Variants in UBR3 observed in about 807,000 individuals in gnomAD.
UBR3 encodes the protein E3 ubiquitin-protein ligase UBR3.
UBR3 carries 85 observed loss-of-function variants against 243.2 expected under a neutral mutation model. The observed-to-expected ratio is 0.35, with a 90% CI of 0.29 to 0.42. The LOEUF is 0.42. Ranked by LOEUF, UBR3 falls within the 10% of genes least tolerant of loss-of-function variation. UBR3 has a pLI of 1.00. For missense variants in UBR3, 1,686 were observed against 2,300.8 expected (o/e 0.73, Z 5.47); for synonymous variants, 748 against 799.8 (o/e 0.94, Z 1.09).
At chr2:170,003,854 A>T (rs2089807327) in intron 27 of UBR3, among the ~76,000 whole-genome samples, 1 of 152,098 alleles carries the variant, frequency 6.6e-6, no homozygotes, top group Non-Finnish European at 1.5e-5. Flanking sequence ...GTTAGCCAGG[A>T]TGGTCTCGAT....
chr2:169,863,338 T>A (rs1326912328), intron 1 of UBR3, among the ~76,000 whole-genome samples: 3 of 152,254 alleles, frequency 2.0e-5, no homozygotes, highest in Non-Finnish European at 4.4e-5. Context: ...TTGAGTTGCA[T>A]ACTTAACCTT....
chr2:170,081,863 A>G lies in UBR3; in HGVS notation c.*20A>G, dbSNP rs773798522. 4 of 1,454,910 alleles carry G rather than the reference A, an allele frequency of 2.7e-6. No homozygotes were observed. The highest frequency in any genetic ancestry group is 2.9e-5 in the African/African-American group (2 of 69,564). The allele number at this position is 1,454,910 out of a possible 1,614,324, so 90.1% of individuals were successfully genotyped here. ...CTGTGACTCTCCACCTCAGCATTGC[A>G]TCGTATCATCATTTTCGCTACGAAT... On this transcript the variant is annotated 3_prime_UTR_variant, in exon 39 of 39. Transcript: ENST00000272793.
At chr2:170,077,567 A>C (rs2091836709) in intron 36 of UBR3, 1 of 607,818 alleles carries the variant, frequency 1.6e-6, no homozygotes, top group Non-Finnish European at 2.9e-6. Flanking sequence ...ATCCTCCTCT[A>C]TGCCTGCGTC....
intron 31 of UBR3, among the ~76,000 whole-genome samples, chr2:170,033,597 AT>A (rs2090743472): frequency 7.8e-5 from 5 of 63,704 alleles, no homozygotes; most frequent in Non-Finnish European, 1.4e-4. Flanking sequence ...CCCCCCCCCA[AT>A]ATTTGCTCTC....
rs71006062 is a variant in UBR3, at chr2:170,001,912, C to CAAAAAAAAAAAAAAAAAAAAA, written c.4029+508_4029+528dup. On this transcript the variant is annotated intron_variant, in intron 27 of 38. Transcript: ENST00000272793. ...TGGGCAACAGAGAGAGACTCCATCTCAAAAAAAAAAAAAAAAAAAAAAAAA... is the reference window on the plus strand; with the variant it reads ...TGGGCAACAGAGAGAGACTCCATCTCAAAAAAAAAAAAAAAAAAAAAAAAAAAAAAAAAAAAAAAAAAAAAA... Among the ~76,000 whole-genome samples, 76 of 67,488 alleles carry CAAAAAAAAAAAAAAAAAAAAA rather than the reference C, an allele frequency of 1.1e-3. 1 individual carries two copies. Among genetic ancestry groups the CAAAAAAAAAAAAAAAAAAAAA allele is most frequent in the Non-Finnish European group, 1.5e-3 (58 of 39,894 alleles). The allele number at this position is 67,488 out of a possible 152,430, so 44.3% of individuals were successfully genotyped here. A position where few individuals can be genotyped will look rare whatever the true frequency, so the allele number is the denominator to read the frequency against.
chr2:170,029,978 T>C (rs1017242261), intron 31 of UBR3, among the ~76,000 whole-genome samples: 26 of 152,118 alleles, frequency 1.7e-4, no homozygotes, highest in Non-Finnish European at 3.4e-4. Flanking sequence ...GGATGAATAC[T>C]TGATACTTTT....
Position 169,891,277 on chromosome 2 carries a change from A to T in UBR3, c.1105+46A>T, listed in dbSNP as rs768795069. 2.0e-5 allele frequency: 29 copies of T among 1,429,110 alleles called. No individual in the cohort carries two copies. The South Asian group carries it at 3.1e-4, about 15-fold the overall frequency. The allele number at this position is 1,429,110 out of a possible 1,614,324, so 88.5% of individuals were successfully genotyped here. A position where few individuals can be genotyped will look rare whatever the true frequency, so the allele number is the denominator to read the frequency against. ...TTTTTTCCTTGAATAAAATGCTTCT[A>T]AAAAATGCCTAATCACTAAAAATAC... On this transcript the variant is annotated intron_variant, in intron 6 of 38. Coordinates refer to ENST00000272793, the MANE Select transcript of UBR3 (RefSeq NM_172070.4).
intron 29 of UBR3, 41 bp from the exon 30 acceptor site, chr2:170,015,240 A>G: frequency 6.7e-7 from 1 of 1,491,232 alleles, no homozygotes; most frequent in Non-Finnish European, 9.3e-7. Flanking sequence ...TTAATAAAGA[A>G]TCTTCAGTTT....
chr2:169,885,207 GAT>G (rs1308781622), intron 5 of UBR3, among the ~76,000 whole-genome samples: 3 of 152,140 alleles, frequency 2.0e-5, no homozygotes, highest in South Asian at 2.1e-4. Context: ...TGTAATTTAA[GAT>G]ATCATAAAGG....
intron 35 of UBR3, among the ~76,000 whole-genome samples, chr2:170,069,823 C>T (rs143209115): frequency 1.3e-5 from 2 of 151,910 alleles, no homozygotes; most frequent in South Asian, 4.2e-4. Context: ...TTGTTCCCCC[C>T]CCAGATACTA....
rs1280042767 is a variant in UBR3 at position 170,083,300 on chromosome 2, A to C, written c.*1457A>C. The C allele has an allele frequency of 6.6e-6, 1 of 152,606 alleles. No individual in the cohort carries two copies. Among genetic ancestry groups the C allele is most frequent in the Admixed American group, 6.5e-5 (1 of 15,278 alleles). 9.5% of individuals were successfully genotyped at this position (152,606 alleles called of 1,614,324 possible). Reference sequence around the variant, plus strand: ...TGGAAAGCAGAGCAGTACATATTCAAATGTATTCAGAAAGTCAAAAGATTA... The same window carrying C: ...TGGAAAGCAGAGCAGTACATATTCACATGTATTCAGAAAGTCAAAAGATTA... On this transcript the variant is annotated 3_prime_UTR_variant, in exon 39 of 39. Coordinates refer to ENST00000272793, the MANE Select transcript of UBR3 (RefSeq NM_172070.4).
At chr2:169,951,509 A>G (rs892305913) in intron 23 of UBR3, among the ~76,000 whole-genome samples, 2 of 152,164 alleles carry the variant, frequency 1.3e-5, no homozygotes, top group African/African-American at 4.8e-5. Context: ...ATAGTTTGTT[A>G]GTAGTGTTAA....
At chr2:169,836,959 G>T (rs1306305017) in intron 1 of UBR3, among the ~76,000 whole-genome samples, 1 of 151,900 alleles carries the variant, frequency 6.6e-6, no homozygotes, top group Non-Finnish European at 1.5e-5. Flanking sequence ...TAATTTTGTT[G>T]TAAACGATTT....
chr2:170,047,817 A>G (rs1280109888), intron 32 of UBR3, among the ~76,000 whole-genome samples: 2 of 152,184 alleles, frequency 1.3e-5, no homozygotes, highest in African/African-American at 2.4e-5. Context: ...TCTCCCTGGG[A>G]AATGAAGTCA....
In UBR3 at chr2:169,857,064, G is replaced by GTTTTGTTTTTTGTTTTTTTT. The variant is rs1255937396; in HGVS notation, c.546-15168_546-15167insGTTTTTTGTTTTTTTTTTTT. Among the ~76,000 whole-genome samples, 2 of 56,082 alleles carry GTTTTGTTTTTTGTTTTTTTT rather than the reference G, an allele frequency of 3.6e-5. 1 individual carries two copies. 36.8% of individuals were successfully genotyped at this position (56,082 alleles called of 152,430 possible). ...ATGATTTCCAGCATAATTTTATTATGTTTTTTTTTTTTTTTTTTTTTTTTT... is the reference window on the plus strand; with the variant it reads ...ATGATTTCCAGCATAATTTTATTATGTTTTGTTTTTTGTTTTTTTTTTTTTTTTTTTTTTTTTTTTTTTTT... On this transcript the variant is annotated intron_variant, in intron 1 of 38. Coordinates refer to ENST00000272793, the MANE Select transcript of UBR3 (RefSeq NM_172070.4).
chr2:169,835,997 CTCTCTCTCTCTCTCTCT>C lies in UBR3; in HGVS notation c.545+7946_545+7962del, dbSNP rs2082076356. Among the ~76,000 whole-genome samples, 60 of 40,474 alleles carry C rather than the reference CTCTCTCTCTCTCTCTCT, an allele frequency of 1.5e-3. 4 individuals carry two copies. Among genetic ancestry groups the C allele is most frequent in the Middle Eastern group, 0.014 (1 of 74 alleles). The allele number at this position is 40,474 out of a possible 152,430, so 26.6% of individuals were successfully genotyped here. A position where few individuals can be genotyped will look rare whatever the true frequency, so the allele number is the denominator to read the frequency against. On this transcript the variant is annotated intron_variant, in intron 1 of 38. Transcript: ENST00000272793. ...CCTGAAATTCCTGTGTGCACTGTCT[CTCTCTCTCTCTCTCTCT>C]CTCTCTCTCTCTCTCTCTCTCTCTC...
At chr2:170,061,857 C>T (rs1481441358) in intron 35 of UBR3, among the ~76,000 whole-genome samples, 3 of 152,136 alleles carry the variant, frequency 2.0e-5, no homozygotes, top group Non-Finnish European at 4.4e-5. Flanking sequence ...ATATGTTAAT[C>T]TAGCTTAAAG....
chr2:169,945,524 G>C (rs941305595), intron 20 of UBR3, among the ~76,000 whole-genome samples: 3 of 152,032 alleles, frequency 2.0e-5, no homozygotes, highest in Admixed American at 1.3e-4. Flanking sequence ...TTTGCTCTCT[G>C]CTATCTCGCC....
chr2:169,928,578 T>C, intron 17 of UBR3, 149 bp from the exon 18 acceptor site: 1 of 464,970 alleles, frequency 2.2e-6, no homozygotes, highest in Non-Finnish European at 3.6e-6. Flanking sequence ...ATTGATCTGT[T>C]GTATTATATA....
Sources: gnomAD v4.1 joint callset for allele counts (sites outside exome capture counted in the v4.1 genomes callset) on GRCh38, gnomAD v4.1.1 for gene constraint, MANE v1.5 for transcripts, NCBI Gene and HGNC (gene_info 2026-07-23, HGNC 2026-07-21) for gene names.